Variants in CREM observed in about 807,000 individuals in gnomAD.
CREM encodes the protein cAMP responsive element modulator, also known as cAMP-responsive element modulator.
A neutral mutation model predicts 37.3 loss-of-function variants in CREM; 13 were observed. The ratio of observed to expected loss-of-function variants is 0.35; its 90% CI spans 0.23 to 0.55. The LOEUF is 0.55. Among genes scored for constraint, CREM ranks in the 20% least tolerant of loss-of-function variants. The pLI, the probability that CREM is intolerant of heterozygous loss-of-function variation, is 0.88. For synonymous variants in CREM, 124 were observed against 120.2 expected, an observed-to-expected ratio of 1.03 and a Z score of -0.21; for missense variants, 296 against 362.3, an observed-to-expected ratio of 0.82 and a Z score of 1.49.
At chr10:35,151,989 T>C (rs892372381) in intron 3 of CREM, among the ~76,000 whole-genome samples, 3 of 152,218 alleles carry the variant, frequency 2.0e-5, no homozygotes, top group African/African-American at 7.2e-5. Context: ...ATTAACCCTA[T>C]GATGTATGCC....
intron 1 of CREM, among the ~76,000 whole-genome samples, chr10:35,128,692 AT>A (rs1253947826): frequency 6.6e-6 from 1 of 151,704 alleles, no homozygotes; most frequent in African/African-American, 2.4e-5. Flanking sequence ...CGCCTGGCTA[AT>A]TTTTTGTATT....
intron 6 of CREM, among the ~76,000 whole-genome samples, chr10:35,196,864 A>ATTTTTTT (rs1564957666): frequency 3.7e-5 from 4 of 108,922 alleles, no homozygotes; most frequent in Admixed American, 9.0e-5. Flanking sequence ...AACGCTGTGT[A>ATTTTTTT]CTTTTTTTTT....
At chr10:35,140,499 GCA>G (rs1437067601) in intron 2 of CREM, among the ~76,000 whole-genome samples, 1 of 152,056 alleles carries the variant, frequency 6.6e-6, no homozygotes, top group Non-Finnish European at 1.5e-5. Context: ...CCTGACAGTT[GCA>G]CAGTCTTCCA....
In CREM at chr10:35,201,703, T is replaced by C. The variant is rs890536738; in HGVS notation, c.599-5192T>C. On this transcript the variant is annotated intron_variant, in intron 6 of 7. Transcript: ENST00000685392. ...GGAAGCACATCATAATGAGAACGCC[T>C]TTGCTTTTAAAATGCTATGTTAGAC... 2.0e-5 allele frequency among the ~76,000 whole-genome samples: 3 copies of C among 152,164 alleles called. No homozygotes were observed. In the East Asian group the frequency reaches 5.8e-4, roughly 29 times the overall value.
chr10:35,156,507 C>G (rs2136218054), intron 3 of CREM, among the ~76,000 whole-genome samples: 1 of 152,316 alleles, frequency 6.6e-6, no homozygotes, highest in African/African-American at 2.4e-5. Context: ...TCTTCAGTCT[C>G]CCAAAATGTT....
chr10:35,212,019 A>C lies in CREM; in HGVS notation c.*621A>C. On this transcript the variant is annotated 3_prime_UTR_variant, in exon 8 of 8. Transcript: ENST00000685392. ...AACTGTAAAAAATGTGTGTATTCTT[A>C]AAATGCAATATTTGTAAGGCTTGTT... The C allele has an allele frequency of 2.3e-6, 1 of 437,276 alleles. No homozygotes were observed. Among genetic ancestry groups the C allele is most frequent in the Non-Finnish European group, 4.0e-6 (1 of 252,590 alleles). The allele number at this position is 437,276 out of a possible 1,614,324, so 27.1% of individuals were successfully genotyped here. A position where few individuals can be genotyped will look rare whatever the true frequency, so the allele number is the denominator to read the frequency against.
intron 7 of CREM, 115 bp from the exon 8 acceptor site, chr10:35,211,139 C>A: frequency 9.3e-7 from 1 of 1,079,602 alleles, no homozygotes; most frequent in Non-Finnish European, 1.3e-6. Flanking sequence ...TGGCTTTGTA[C>A]AGTCCTTACC....
At chr10:35,169,985 T>C (rs1365915710) in intron 3 of CREM, among the ~76,000 whole-genome samples, 3 of 142,456 alleles carry the variant, frequency 2.1e-5, no homozygotes, top group Non-Finnish European at 4.6e-5. Context: ...TTTTTTGAGA[T>C]GGAGTCTCGC....
chr10:35,206,344 A>G (rs527529972), intron 6 of CREM, among the ~76,000 whole-genome samples: 4 of 152,288 alleles, frequency 2.6e-5, no homozygotes, highest in African/African-American at 9.6e-5. Context: ...CACATTAAAA[A>G]CATTAGTACT....
intron 6 of CREM, among the ~76,000 whole-genome samples, chr10:35,194,120 A>AAAAAAAAAAAAAAAAAAAAC (rs2095046031): frequency 6.6e-6 from 1 of 150,538 alleles, no homozygotes; most frequent in Non-Finnish European, 1.5e-5. Context: ...AAAAAAAAAA[A>AAAAAAAAAAAAAAAAAAAAC]AAAAGACAAA....
intron 6 of CREM, among the ~76,000 whole-genome samples, chr10:35,200,952 C>A (rs2095365258): frequency 6.6e-6 from 1 of 151,822 alleles, no homozygotes; most frequent in Admixed American, 6.6e-5. Context: ...AGGTACTTGG[C>A]TGGGTTTCTT....
At chr10:35,163,354 C>G (rs1018317978) in intron 3 of CREM, among the ~76,000 whole-genome samples, 1 of 152,094 alleles carries the variant, frequency 6.6e-6, no homozygotes, top group African/African-American at 2.4e-5. Context: ...AGAGCTTTCT[C>G]ATTTTCTCAT....
chr10:35,189,393 A>G (rs986487127), intron 6 of CREM, among the ~76,000 whole-genome samples: 6 of 152,220 alleles, frequency 3.9e-5, no homozygotes, highest in African/African-American at 1.4e-4. Context: ...TATTTAATAC[A>G]GCTTTCAAAA....
At chr10:35,128,201 T>G (rs1413859183) in intron 1 of CREM, among the ~76,000 whole-genome samples, 1 of 152,214 alleles carries the variant, frequency 6.6e-6, no homozygotes, top group Non-Finnish European at 1.5e-5. Context: ...TTGAAATCAC[T>G]TAGGGGTTTC....
intron 1 of CREM, among the ~76,000 whole-genome samples, chr10:35,134,522 ATTTT>A (rs905696312): frequency 6.6e-6 from 1 of 152,134 alleles, no homozygotes; most frequent in Non-Finnish European, 1.5e-5. Flanking sequence ...TGGCCTCAAC[ATTTT>A]TAAGTGTTAA....
intron 3 of CREM, among the ~76,000 whole-genome samples, chr10:35,159,982 A>AT (rs2093185923): frequency 6.6e-6 from 1 of 152,172 alleles, no homozygotes; most frequent in Non-Finnish European, 1.5e-5. Context: ...ACAGGTCTAC[A>AT]TTTTGAGAAA....
rs754728642 is a variant in CREM at position 35,175,750 on chromosome 10, G to C, written c.169-3139G>C. 4.3e-6 allele frequency: 7 copies of C among 1,614,040 alleles called. No individual in the cohort carries two copies. In the Admixed American group the frequency reaches 1.2e-4, roughly 27 times the overall value. ...TGTCATTTCTCAGCAGCAGGAAAAA[G>C]AGAAGTAGGCCAGTCATATTAGTGA... On this transcript the variant is annotated intron_variant, in intron 3 of 7. Transcript: ENST00000685392.
At chr10:35,139,215 G>A (rs2091084689) in intron 2 of CREM, among the ~76,000 whole-genome samples, 1 of 151,832 alleles carries the variant, frequency 6.6e-6, no homozygotes, top group South Asian at 2.1e-4. Context: ...CTGTCTCCAA[G>A]GTTCAAGTGA....
At chr10:35,157,635 C>CAAAAA (rs71523362) in intron 3 of CREM, among the ~76,000 whole-genome samples, 1 of 87,142 alleles carries the variant, frequency 1.1e-5, no homozygotes, top group Non-Finnish European at 2.3e-5. Context: ...GACCCTGTCT[C>CAAAAA]AAAAAAAAAA....
Sources: gnomAD v4.1 joint callset for allele counts (sites outside exome capture counted in the v4.1 genomes callset) on GRCh38, gnomAD v4.1.1 for gene constraint, MANE v1.5 for transcripts, NCBI Gene and HGNC (gene_info 2026-07-23, HGNC 2026-07-21) for gene names.